The following CRYBG1 variants were observed in gnomAD, a reference collection of about 807,000 sequenced individuals.
CRYBG1 encodes the protein crystallin beta-gamma domain containing 1.
In CRYBG1, 139 loss-of-function variants were observed where a neutral mutation model predicts 189.2. That is an observed-to-expected ratio of 0.73 (90% CI 0.64 to 0.85). The LOEUF (loss-of-function observed/expected upper bound fraction) is 0.85, where lower values mean the gene tolerates loss of function less well. Among genes scored for constraint, CRYBG1 ranks in the 40% least tolerant of loss-of-function variants. The pLI is 0.00. For synonymous variants in CRYBG1, 1,023 were observed against 1,017.1 expected, an observed-to-expected ratio of 1.01 and a Z score of -0.11; for missense variants, 2,611 against 2,675.8, an observed-to-expected ratio of 0.98 and a Z score of 0.53.
At chr6:106,565,915 C>T (rs1774871252) in intron 21 of CRYBG1, among the ~76,000 whole-genome samples, 1 of 152,106 alleles carries the variant, frequency 6.6e-6, no homozygotes. Context: ...TCTCCAGAGA[C>T]ACCAAAGAAA....
chr6:106,458,654 G>A (rs905922408), intron 2 of CRYBG1, among the ~76,000 whole-genome samples: 1 of 152,110 alleles, frequency 6.6e-6, no homozygotes, highest in African/African-American at 2.4e-5. Flanking sequence ...TTCAGTTCTA[G>A]TATGAACTTT....
chr6:106,455,792 T>G (rs539051487), intron 2 of CRYBG1, among the ~76,000 whole-genome samples: 1 of 152,314 alleles, frequency 6.6e-6, no homozygotes, highest in Admixed American at 6.5e-5. Flanking sequence ...GTTTGGATCT[T>G]TTCCTTCTTG....
intron 6 of CRYBG1, among the ~76,000 whole-genome samples, chr6:106,526,244 G>A (rs918383199): frequency 2.6e-5 from 4 of 152,102 alleles, no homozygotes; most frequent in African/African-American, 9.7e-5. Context: ...AGATTTTTAG[G>A]TGTTTTAATA....
At chr6:106,553,689 A>C in intron 16 of CRYBG1, 122 bp downstream of exon 16, 1 of 708,902 alleles carries the variant, frequency 1.4e-6, no homozygotes, top group Non-Finnish European at 2.5e-6. Flanking sequence ...ATCTTAGTCC[A>C]ATGGCGTGCT....
At chr6:106,488,889 A>G (rs191018248) in intron 2 of CRYBG1, among the ~76,000 whole-genome samples, 22 of 152,270 alleles carry the variant, frequency 1.4e-4, no homozygotes, top group Admixed American at 8.5e-4. Flanking sequence ...TACACTCCAA[A>G]TATGGGTCCA....
intron 2 of CRYBG1, among the ~76,000 whole-genome samples, 166 bp from the exon 3 acceptor site, chr6:106,511,264 A>G (rs11752122): frequency 0.19 from 28,877 of 152,202 alleles, 3,332 homozygotes; most frequent in East Asian, 0.53. Flanking sequence ...CAAAAGTAAA[A>G]CCAGAGTTTA....
intron 3 of CRYBG1, among the ~76,000 whole-genome samples, chr6:106,517,514 A>G (rs140962163): frequency 0.015 from 2,320 of 151,506 alleles, 54 homozygotes; most frequent in African/African-American, 0.054. Flanking sequence ...ATATATACAC[A>G]CACACATATA....
intron 1 of CRYBG1, among the ~76,000 whole-genome samples, chr6:106,435,531 T>C (rs1166968120): frequency 6.6e-6 from 1 of 152,180 alleles, no homozygotes; most frequent in Non-Finnish European, 1.5e-5. Flanking sequence ...TCAAAACAGA[T>C]GTTGGCTGCA....
In CRYBG1 at chr6:106,512,299, C is replaced by G. The variant is rs1476464258; in HGVS notation, c.1182C>G (p.Val394=). The G allele has an allele frequency of 1.3e-6, 2 of 1,591,976 alleles. No individual in the cohort carries two copies. Among genetic ancestry groups the G allele is most frequent in the Non-Finnish European group, 8.5e-7 (1 of 1,171,608 alleles). The change falls in exon 3 of 22, where the codon GTC becomes GTG. Residue 394 remains valine (V), a synonymous_variant. Transcript: ENST00000633556. ...KTEGAQVDEP[V]VITPRAEDCG... ...AGGGGGCACAAGTGGACGAGCCGGT[C>G]GTGATTACTCCCAGAGCGGAAGATT... is the stretch of plus-strand genomic sequence containing the variant.
chr6:106,512,778 G>C lies in CRYBG1; in HGVS notation c.1661G>C (p.Gly554Ala), dbSNP rs1377192540. 5 of 1,583,646 alleles carry C rather than the reference G, an allele frequency of 3.2e-6. No homozygotes were observed. The highest frequency in any genetic ancestry group is 3.4e-4 in the Middle Eastern group (2 of 5,934). ...CCCGATCCCAGCCCAGTCACCAAGGGCACTGCGGCCGAGAGCGGGGAGGAG... is the reference window on the plus strand; with the variant it reads ...CCCGATCCCAGCCCAGTCACCAAGGCCACTGCGGCCGAGAGCGGGGAGGAG... ...RVPDPSPVTK[G>A]TAAESGEEAA... The change falls in exon 3 of 22, where the codon GGC becomes GCC. Residue 554 changes from glycine to alanine, a missense_variant. Gly to Ala is a moderately conservative substitution (Grantham distance 60). Transcript: ENST00000633556.
At chr6:106,419,355 T>C (rs940699744) in intron 1 of CRYBG1, among the ~76,000 whole-genome samples, 18 of 152,168 alleles carry the variant, frequency 1.2e-4, no homozygotes, top group African/African-American at 3.6e-4. Flanking sequence ...GACAAAGAAA[T>C]ATAAGAATAA....
At chr6:106,536,957 A>G (rs1774018529) in intron 8 of CRYBG1, among the ~76,000 whole-genome samples, 1 of 152,250 alleles carries the variant, frequency 6.6e-6, no homozygotes, top group Admixed American at 6.5e-5. Context: ...TTTCAAATTC[A>G]AAGTCCACCC....
chr6:106,421,042 C>T (rs1389972805), intron 1 of CRYBG1, among the ~76,000 whole-genome samples: 1 of 152,056 alleles, frequency 6.6e-6, no homozygotes, highest in Admixed American at 6.6e-5. Flanking sequence ...GGGAGGATTC[C>T]TGAGGGTATG....
intron 1 of CRYBG1, among the ~76,000 whole-genome samples, chr6:106,437,216 AATGCTTT>A (rs1240763299): frequency 6.6e-6 from 1 of 151,894 alleles, no homozygotes; most frequent in African/African-American, 2.4e-5. Context: ...TATTTCTTCA[AATGCTTT>A]ATTTTTTTCA....
chr6:106,566,421 A>G (rs1774888054), intron 21 of CRYBG1, among the ~76,000 whole-genome samples: 1 of 143,008 alleles, frequency 7.0e-6, no homozygotes, highest in Non-Finnish European at 1.5e-5. Context: ...AATGTCCCGT[A>G]TATTTGTGAA....
At chr6:106,369,933 C>T (rs544369209) in intron 1 of CRYBG1, among the ~76,000 whole-genome samples, 36 of 152,246 alleles carry the variant, frequency 2.4e-4, no homozygotes, top group Admixed American at 9.8e-4. Flanking sequence ...ATTCCCCAGC[C>T]GGTGATCTTG....
At chr6:106,423,812 C>G (rs986825270) in intron 1 of CRYBG1, among the ~76,000 whole-genome samples, 1 of 148,424 alleles carries the variant, frequency 6.7e-6, no homozygotes, top group Non-Finnish European at 1.5e-5. Flanking sequence ...TTCAAGTGAT[C>G]CTCCTGCCTC....
intron 2 of CRYBG1, among the ~76,000 whole-genome samples, chr6:106,479,866 CTT>C (rs1214788527): frequency 6.6e-6 from 1 of 152,128 alleles, no homozygotes; most frequent in Non-Finnish European, 1.5e-5. Context: ...TGTGGATTCT[CTT>C]TGCATTTTCT....
intron 19 of CRYBG1, 130 bp downstream of exon 19, chr6:106,561,056 C>T: frequency 1.9e-6 from 2 of 1,063,782 alleles, no homozygotes; most frequent in Non-Finnish European, 2.6e-6. Flanking sequence ...TCCTTCCCTG[C>T]CCCAATAATC....
Sources: allele counts gnomAD v4.1 joint callset (sites outside exome capture counted in the v4.1 genomes callset), GRCh38; gene constraint gnomAD v4.1.1; transcripts MANE v1.5; gene names NCBI Gene and HGNC (gene_info 2026-07-23, HGNC 2026-07-21).